Variants in PC observed in about 807,000 individuals in gnomAD.
PC encodes the protein pyruvate carboxylase, mitochondrial.
A neutral mutation model predicts 107.8 loss-of-function variants in PC; 46 were observed. That is an observed-to-expected ratio of 0.43 (90% CI 0.34 to 0.55). The LOEUF is 0.55. Ranked by LOEUF, PC falls within the 20% of genes least tolerant of loss-of-function variation. The pLI, the probability that PC is intolerant of heterozygous loss-of-function variation, is 0.04. For synonymous variants in PC, 662 were observed against 684.7 expected, an observed-to-expected ratio of 0.97 and a Z score of 0.52; for missense variants, 1,241 against 1,643.1, an observed-to-expected ratio of 0.76 and a Z score of 4.23.
chr11:66,916,000 C>CAA lies in PC; in HGVS notation c.-1+36429_-1+36430insTT, dbSNP rs558980263. 1.2e-4 allele frequency among the ~76,000 whole-genome samples: 18 copies of CAA among 152,314 alleles called. No homozygotes were observed. The East Asian group carries it at 2.9e-3, about 24-fold the overall frequency. On this transcript the variant is annotated intron_variant, in intron 3 of 22. Transcript: ENST00000393960. ...TCCACTCCCTCTGCTTTGGTCCTTC[C>CAA]TCCTCCTTACCCTCCAAAACAAACA...
chr11:66,872,745 A>G (rs1946790809), intron 3 of PC, among the ~76,000 whole-genome samples: 1 of 152,076 alleles, frequency 6.6e-6, no homozygotes, highest in South Asian at 2.1e-4. Flanking sequence ...AAAAAAAATA[A>G]AAGTATCAGG....
At position 66,866,480 on chromosome 11, in the gene PC, C is replaced by G; in HGVS notation, c.1023-131G>C. The G allele has an allele frequency of 1.5e-6, 1 of 683,888 alleles. No homozygotes were observed. Among genetic ancestry groups the G allele is most frequent in the South Asian group, 1.8e-5 (1 of 56,212 alleles). The allele number at this position is 683,888 out of a possible 1,614,324, so 42.4% of individuals were successfully genotyped here. ...CGACTCCTGCCCATAGGCTCTGGGCCAGCCTGAACAGCCGGTTCCTCCCAA... is the reference window on the plus strand; with the variant it reads ...CGACTCCTGCCCATAGGCTCTGGGCGAGCCTGAACAGCCGGTTCCTCCCAA... On this transcript the variant is annotated intron_variant, in intron 10 of 22. Transcript: ENST00000393960. This position sits in a 1 kb window ranked among gnomAD's most constrained non-coding sequence, Gnocchi z 5.4.
chr11:66,920,442 A>G (rs992415661), intron 3 of PC, among the ~76,000 whole-genome samples: 18 of 152,260 alleles, frequency 1.2e-4, no homozygotes, highest in Middle Eastern at 3.4e-3. Flanking sequence ...CTCGGATGAT[A>G]AAGCTGGGAC....
At chr11:66,927,448 G>A (rs145083659) in intron 3 of PC, among the ~76,000 whole-genome samples, 56 of 151,800 alleles carry the variant, frequency 3.7e-4, no homozygotes, top group African/African-American at 9.2e-4. Flanking sequence ...CAAGCTGGGC[G>A]CAGTGGCTCA....
At chr11:66,899,665 T>G (rs1947880771) in intron 3 of PC, among the ~76,000 whole-genome samples, 1 of 152,230 alleles carries the variant, frequency 6.6e-6, no homozygotes, top group Non-Finnish European at 1.5e-5. Flanking sequence ...TAGATACAAG[T>G]TCCTTGTTAC....
Position 66,870,703 on chromosome 11 carries a change from G to T in PC, c.751+72C>A. On this transcript the variant is annotated intron_variant, in intron 8 of 22. Transcript: ENST00000393960. This position sits in a 1 kb window ranked among gnomAD's most constrained non-coding sequence, Gnocchi z 6.1. ...AGGGCTGTCCCCAAGGCCAGCCACT[G>T]TGACGGCACCAGGACTGGGCCTCTC... 6.9e-7 allele frequency: 1 copy of T among 1,442,958 alleles called. No homozygotes were observed. Among genetic ancestry groups the T allele is most frequent in the Non-Finnish European group, 9.7e-7 (1 of 1,034,696 alleles). The allele number at this position is 1,442,958 out of a possible 1,614,324, so 89.4% of individuals were successfully genotyped here.
intron 3 of PC, among the ~76,000 whole-genome samples, chr11:66,873,518 T>TTA (rs1228889067): frequency 1.0e-3 from 2 of 1,990 alleles, no homozygotes; most frequent in Non-Finnish European, 4.1e-3. Flanking sequence ...ATATATTATA[T>TTA]TATATATTAT....
At chr11:66,942,571 G>C (rs1949166578) in intron 3 of PC, among the ~76,000 whole-genome samples, 1 of 152,150 alleles carries the variant, frequency 6.6e-6, no homozygotes, top group Non-Finnish European at 1.5e-5. Flanking sequence ...GTGGGTGCCA[G>C]GGGCTTGGGT....
At chr11:66,892,094 T>C (rs1947597394) in intron 3 of PC, among the ~76,000 whole-genome samples, 1 of 151,978 alleles carries the variant, frequency 6.6e-6, no homozygotes, top group Non-Finnish European at 1.5e-5. Context: ...TAGCAAGTTA[T>C]AGGAAGAGGA....
At chr11:66,899,293 T>C (rs1224528123) in intron 3 of PC, among the ~76,000 whole-genome samples, 1 of 152,236 alleles carries the variant, frequency 6.6e-6, no homozygotes, top group African/African-American at 2.4e-5. Context: ...CTTCACTTCT[T>C]TGTATGGCTA....
chr11:66,892,466 C>A (rs983808505), intron 3 of PC, among the ~76,000 whole-genome samples: 1 of 152,230 alleles, frequency 6.6e-6, no homozygotes, highest in Non-Finnish European at 1.5e-5. Context: ...AGACTTCCTA[C>A]TGACATCCAA....
At position 66,848,785 on chromosome 11, in the gene PC, G is replaced by A. The variant is rs1945294433; in HGVS notation, c.*114C>T. 1 of 1,329,568 alleles carries A rather than the reference G, an allele frequency of 7.5e-7. No individual in the cohort carries two copies. The highest frequency in any genetic ancestry group is 1.1e-6 in the Non-Finnish European group (1 of 935,572). 82.4% of individuals were successfully genotyped at this position (1,329,568 alleles called of 1,614,324 possible). A position where few individuals can be genotyped will look rare whatever the true frequency, so the allele number is the denominator to read the frequency against. On this transcript the variant is annotated 3_prime_UTR_variant, in exon 23 of 23. Transcript: ENST00000393960. Reference sequence around the variant, plus strand: ...GTCTCTCCTGTCCAGCTGTGGACAGGACCTCCACGGCCCGGCCTTCCTGGC... The same window carrying A: ...GTCTCTCCTGTCCAGCTGTGGACAGAACCTCCACGGCCCGGCCTTCCTGGC...
intron 3 of PC, among the ~76,000 whole-genome samples, chr11:66,907,394 G>T (rs577039139): frequency 1.3e-5 from 2 of 152,270 alleles, no homozygotes; most frequent in South Asian, 4.2e-4. Context: ...GGGTGTGGTG[G>T]CACACACGTG....
chr11:66,859,853 G>A (rs142190580), intron 12 of PC: 4 of 1,564,358 alleles, frequency 2.6e-6, no homozygotes, highest in East Asian at 2.3e-5. Context: ...CCGTGGCCGT[G>A]GGGGGTGTGC....
chr11:66,927,622 C>G (rs534998370), intron 3 of PC, among the ~76,000 whole-genome samples: 18 of 151,618 alleles, frequency 1.2e-4, no homozygotes, highest in African/African-American at 4.4e-4. Flanking sequence ...ACTAGGGAGG[C>G]TGAGGTAGGA....
At chr11:66,868,347 T>G (rs1052828863) in intron 10 of PC, among the ~76,000 whole-genome samples, 1 of 152,238 alleles carries the variant, frequency 6.6e-6, no homozygotes, top group African/African-American at 2.4e-5. Context: ...CAGACAGAAT[T>G]ATGGCCTGGG....
chr11:66,884,343 T>C (rs1947287276), intron 3 of PC, among the ~76,000 whole-genome samples: 1 of 151,594 alleles, frequency 6.6e-6, no homozygotes, highest in Non-Finnish European at 1.5e-5. Flanking sequence ...ACCTAGAAGG[T>C]TGAAGCTGCA....
chr11:66,949,927 C>T (rs919587992), intron 3 of PC, among the ~76,000 whole-genome samples: 1 of 152,132 alleles, frequency 6.6e-6, no homozygotes, highest in Non-Finnish European at 1.5e-5. Context: ...CTCCCTCAGA[C>T]ATGCCACGCA....
At chr11:66,903,216 T>C (rs1197901454) in intron 3 of PC, among the ~76,000 whole-genome samples, 1 of 152,068 alleles carries the variant, frequency 6.6e-6, no homozygotes, top group Non-Finnish European at 1.5e-5. Context: ...TTAGTCCCAA[T>C]CCAGAAGCGA....
Sources: gnomAD v4.1 joint callset for allele counts (sites outside exome capture counted in the v4.1 genomes callset) on GRCh38, gnomAD v4.1.1 for gene constraint, Gnocchi (gnomAD v3.1) non-coding constraint, MANE v1.5 for transcripts, NCBI Gene and HGNC (gene_info 2026-07-23, HGNC 2026-07-21) for gene names.